Variants in KAZN observed in about 807,000 individuals in gnomAD.
KAZN encodes the protein kazrin, periplakin interacting protein, also known as kazrin.
A neutral mutation model predicts 87.4 loss-of-function variants in KAZN; 40 were observed. The observed-to-expected ratio is 0.46, with a 90% CI of 0.36 to 0.60. The LOEUF (loss-of-function observed/expected upper bound fraction) is 0.60, where lower values mean the gene tolerates loss of function less well. Ranked by LOEUF, KAZN falls within the 20% of genes least tolerant of loss-of-function variation. The pLI is 0.00. For synonymous variants in KAZN, 466 were observed against 458.3 expected (o/e 1.02, Z -0.22); for missense variants, 898 against 1,073.9 (o/e 0.84, Z 2.29).
At chr1:14,822,111 C>T (rs2100830272) in intron 1 of KAZN, among the ~76,000 whole-genome samples, 1 of 152,304 alleles carries the variant, frequency 6.6e-6, no homozygotes, top group African/African-American at 2.4e-5. Flanking sequence ...AACAGCGACC[C>T]TTCTTGCCTC....
chr1:15,020,067 TCA>T (rs1477466317), intron 2 of KAZN, among the ~76,000 whole-genome samples: 1 of 151,966 alleles, frequency 6.6e-6, no homozygotes, highest in African/African-American at 2.4e-5. Context: ...CCCTGGGGAC[TCA>T]CAGTGGGAAC....
At chr1:13,923,315 T>C (rs914062077) in intron 1 of KAZN, among the ~76,000 whole-genome samples, 5 of 152,140 alleles carry the variant, frequency 3.3e-5, no homozygotes, top group Non-Finnish European at 7.4e-5. Context: ...GGCTCACGCC[T>C]GTAATCCCAG....
intron 2 of KAZN, among the ~76,000 whole-genome samples, chr1:15,003,249 CA>C (rs199526632): frequency 0.013 from 2,040 of 152,278 alleles, 19 homozygotes; most frequent in Non-Finnish European, 0.022. Flanking sequence ...ATGTAAATTG[CA>C]AAACACAGGG....
chr1:14,247,532 T>C (rs1422940055), intron 2 of KAZN, among the ~76,000 whole-genome samples: 1 of 152,354 alleles, frequency 6.6e-6, no homozygotes, highest in East Asian at 1.9e-4. Context: ...GGTTTTCTGT[T>C]CCTGCATTAG....
chr1:14,356,811 C>A (rs188507941), intron 2 of KAZN, among the ~76,000 whole-genome samples: 1 of 152,060 alleles, frequency 6.6e-6, no homozygotes, highest in Admixed American at 6.6e-5. Flanking sequence ...TGGTACCATG[C>A]TGTTTTGGTT....
chr1:14,692,206 C>T (rs1437281781), intron 1 of KAZN: 9 of 485,428 alleles, frequency 1.9e-5, no homozygotes, highest in Non-Finnish European at 3.2e-5. Context: ...TTTTCACTTT[C>T]TAACATCTGT....
chr1:14,107,271 G>T (rs1306592264), intron 1 of KAZN, among the ~76,000 whole-genome samples: 1 of 151,706 alleles, frequency 6.6e-6, no homozygotes, highest in Non-Finnish European at 1.5e-5. Context: ...TCAGCCCCTG[G>T]ATCCAGTATG....
At chr1:14,952,101 G>T (rs1352266732) in intron 1 of KAZN, among the ~76,000 whole-genome samples, 1 of 152,188 alleles carries the variant, frequency 6.6e-6, no homozygotes, top group African/African-American at 2.4e-5. Flanking sequence ...ACCTGCTCAG[G>T]GGTGGCAGCA....
intron 2 of KAZN, among the ~76,000 whole-genome samples, chr1:14,519,716 G>T (rs914061480): frequency 6.6e-5 from 10 of 152,200 alleles, no homozygotes; most frequent in African/African-American, 2.4e-4. Flanking sequence ...AGAGCACCCT[G>T]GACCCTGCAT....
At chr1:14,633,758 C>T (rs907299526) in intron 1 of KAZN, among the ~76,000 whole-genome samples, 1 of 152,130 alleles carries the variant, frequency 6.6e-6, no homozygotes, top group Non-Finnish European at 1.5e-5. Flanking sequence ...TCAGAAGATA[C>T]TGAGGCTCCT....
intron 1 of KAZN, among the ~76,000 whole-genome samples, chr1:14,606,457 G>A (rs755448911): frequency 2.0e-5 from 3 of 152,154 alleles, no homozygotes; most frequent in Admixed American, 6.5e-5. Context: ...CAGCCCAGGG[G>A]CCACTTATCA....
intron 2 of KAZN, among the ~76,000 whole-genome samples, chr1:15,014,054 G>C (rs1055064956): frequency 6.6e-6 from 1 of 152,114 alleles, no homozygotes; most frequent in Admixed American, 6.5e-5. Context: ...CCGGAGGAGG[G>C]TTTTGTCTTA....
intron 1 of KAZN, among the ~76,000 whole-genome samples, chr1:14,103,400 T>A (rs1039024055): frequency 1.1e-4 from 17 of 152,210 alleles, no homozygotes; most frequent in Admixed American, 8.5e-4. Context: ...ATTCAGCCCA[T>A]ACCAGCTGCA....
intron 1 of KAZN, among the ~76,000 whole-genome samples, chr1:13,986,782 G>A (rs1033029442): frequency 2.6e-4 from 40 of 152,180 alleles, no homozygotes; most frequent in Admixed American, 2.2e-3. Flanking sequence ...ATAGAGGAAG[G>A]AGAAACCAGC....
Position 14,182,687 on chromosome 1 carries a change from G to A in KAZN, c.249+2095G>A, listed in dbSNP as rs554725538. Reference sequence around the variant, plus strand: ...TTTTGAAGTAGACACGTAAAAATATGTCATTTTTAAAAAAAGACTCTTTAT... The same window carrying A: ...TTTTGAAGTAGACACGTAAAAATATATCATTTTTAAAAAAAGACTCTTTAT... On this transcript the variant is annotated intron_variant, in intron 2 of 16. Transcript: ENST00000636203. Among the ~76,000 whole-genome samples the A allele has an allele frequency of 1.2e-3, 177 of 152,186 alleles. 1 individual carries two copies. The highest frequency in any genetic ancestry group is 3.4e-4 in the Non-Finnish European group (23 of 67,994).
At chr1:14,811,534 A>T (rs1646409886) in intron 1 of KAZN, among the ~76,000 whole-genome samples, 1 of 152,226 alleles carries the variant, frequency 6.6e-6, no homozygotes, top group Non-Finnish European at 1.5e-5. Context: ...TTTGGCTAAG[A>T]ATCATTAATA....
intron 2 of KAZN, among the ~76,000 whole-genome samples, chr1:14,986,434 A>C (rs1350808067): frequency 6.6e-6 from 1 of 152,210 alleles, no homozygotes; most frequent in African/African-American, 2.4e-5. Context: ...ACTTGTGTAC[A>C]GTGATATTAC....
At chr1:14,073,332 G>A (rs916578692) in intron 1 of KAZN, among the ~76,000 whole-genome samples, 1 of 152,140 alleles carries the variant, frequency 6.6e-6, no homozygotes, top group Non-Finnish European at 1.5e-5. Flanking sequence ...GAGCTATGTG[G>A]AATTGGGAAC....
rs753763408 is a variant in KAZN at position 14,599,178 on chromosome 1, G to A, written c.181G>A (p.Asp61Asn). The A allele has an allele frequency of 1.3e-5, 18 of 1,381,796 alleles. No individual in the cohort carries two copies. Among genetic ancestry groups the A allele is most frequent in the Non-Finnish European group, 1.7e-5 (18 of 1,070,008 alleles). The allele number at this position is 1,381,796 out of a possible 1,614,324, so 85.6% of individuals were successfully genotyped here. The change falls in exon 1 of 15, where the codon GAC becomes AAC. Residue 61 changes from aspartate (D) to asparagine (N), a missense_variant. Physicochemically the swap from Asp to Asn is conservative, Grantham distance 23. Transcript: ENST00000376030. The surrounding 1 kb of genome is among the most constrained non-coding windows in gnomAD (Gnocchi z 4.4). ...GAAASASAAG[D>N]SAATNMENPQ... ...CGCGGCCAGCGCCTCGGCGGCGGGG[G>A]ACTCGGCGGCGACGAACATGGAGAA... is the stretch of plus-strand genomic sequence containing the variant.
Sources: allele counts gnomAD v4.1 joint callset (sites outside exome capture counted in the v4.1 genomes callset), GRCh38; gene constraint gnomAD v4.1.1; non-coding constraint Gnocchi (gnomAD v3.1); transcripts MANE v1.5; gene names NCBI Gene and HGNC (gene_info 2026-07-23, HGNC 2026-07-21).